The following EDIL3 variants were observed in gnomAD, a reference collection of about 807,000 sequenced individuals.
EDIL3 encodes EGF-like repeat and discoidin I-like domain-containing protein 3.
A neutral mutation model predicts 67.4 loss-of-function variants in EDIL3; 37 were observed. The observed-to-expected ratio is 0.55, with a 90% CI of 0.42 to 0.72. EDIL3 has a LOEUF of 0.72. Ranked by LOEUF, EDIL3 falls within the 30% of genes least tolerant of loss-of-function variation. The pLI is 0.00. For synonymous variants in EDIL3, 195 were observed against 196.3 expected, an observed-to-expected ratio of 0.99 and a Z score of 0.05; for missense variants, 527 against 586.3, an observed-to-expected ratio of 0.90 and a Z score of 1.04.
chr5:84,333,062 A>G (rs1238378693), intron 1 of EDIL3, among the ~76,000 whole-genome samples: 1 of 152,200 alleles, frequency 6.6e-6, no homozygotes, highest in Non-Finnish European at 1.5e-5. Flanking sequence ...TAGATAAAAT[A>G]AGAGAAAACT....
intron 6 of EDIL3, among the ~76,000 whole-genome samples, chr5:84,086,885 C>T (rs769691548): frequency 4.6e-5 from 7 of 152,060 alleles, no homozygotes; most frequent in South Asian, 2.1e-4. Context: ...CCTGATCCCA[C>T]GGTCCAAGAT....
chr5:84,188,986 T>G (rs966078180), intron 3 of EDIL3, among the ~76,000 whole-genome samples: 1 of 151,972 alleles, frequency 6.6e-6, no homozygotes, highest in Non-Finnish European at 1.5e-5. Context: ...GAATTGGGGG[T>G]AGGGAGCACT....
At chr5:84,231,908 C>T (rs536744066) in intron 2 of EDIL3, among the ~76,000 whole-genome samples, 1 of 152,226 alleles carries the variant, frequency 6.6e-6, no homozygotes, top group African/African-American at 2.4e-5. Flanking sequence ...ACACTTATGG[C>T]TGGTCACTTT....
At chr5:84,254,052 TAAC>T (rs1745080928) in intron 2 of EDIL3, 29 bp downstream of exon 2, 1 of 1,548,920 alleles carries the variant, frequency 6.5e-7, no homozygotes, top group Non-Finnish European at 8.7e-7. Flanking sequence ...AATAAAAAGA[TAAC>T]TACTGAAATA....
intron 3 of EDIL3, among the ~76,000 whole-genome samples, chr5:84,217,765 T>A (rs2053676): frequency 1.9e-5 from 2 of 104,182 alleles, no homozygotes; most frequent in Non-Finnish European, 2.0e-5. Flanking sequence ...CACACACACA[T>A]CCTTCTGGTT....
At chr5:84,213,047 T>TA (rs1416381999) in intron 3 of EDIL3, among the ~76,000 whole-genome samples, 2 of 149,358 alleles carry the variant, frequency 1.3e-5, no homozygotes, top group Non-Finnish European at 3.0e-5. Flanking sequence ...AACTTAAAAA[T>TA]ATGCTAATCT....
rs140933166 is a variant in EDIL3 at position 84,203,513 on chromosome 5, C to T, written c.227-22992G>A. On this transcript the variant is annotated intron_variant, in intron 3 of 10. Coordinates refer to ENST00000296591, the MANE Select transcript of EDIL3 (RefSeq NM_005711.5). ...CTGATGTTGGTGTGCCAGCAACACA[C>T]GTTCCTGATGGGTCATAATGTTTAA... 5.2e-3 allele frequency among the ~76,000 whole-genome samples: 796 copies of T among 152,220 alleles called. 7 individuals are homozygous for T. Among genetic ancestry groups the T allele is most frequent in the Middle Eastern group, 0.024 (7 of 294 alleles).
At chr5:84,110,838 A>G (rs1438391073) in intron 5 of EDIL3, among the ~76,000 whole-genome samples, 3 of 152,194 alleles carry the variant, frequency 2.0e-5, no homozygotes, top group Admixed American at 6.5e-5. Flanking sequence ...AACATACAAG[A>G]TATCACTAGT....
chr5:83,994,435 T>C lies in EDIL3; in HGVS notation c.1138-31075A>G, dbSNP rs914712184. ...CAATTTAGGCTACTATGTAAAGGTT[T>C]TTATTTAGCAAAAAAAAAAATTGCT... On this transcript the variant is annotated intron_variant, in intron 9 of 10. Coordinates refer to ENST00000296591, the MANE Select transcript of EDIL3 (RefSeq NM_005711.5). 4.0e-4 allele frequency among the ~76,000 whole-genome samples: 53 copies of C among 134,164 alleles called. 2 individuals are homozygous for C. 88.0% of individuals were successfully genotyped at this position (134,164 alleles called of 152,430 possible). A position where few individuals can be genotyped will look rare whatever the true frequency, so the allele number is the denominator to read the frequency against.
At chr5:84,372,336 T>A (rs1747871292) in intron 1 of EDIL3, among the ~76,000 whole-genome samples, 1 of 152,142 alleles carries the variant, frequency 6.6e-6, no homozygotes, top group South Asian at 2.1e-4. Flanking sequence ...AAACAAGAAC[T>A]TTGTGTACAA....
At chr5:84,239,970 C>G (rs1156283858) in intron 2 of EDIL3, among the ~76,000 whole-genome samples, 1 of 152,114 alleles carries the variant, frequency 6.6e-6, no homozygotes, top group Non-Finnish European at 1.5e-5. Flanking sequence ...TCCATGTCAA[C>G]TGACATTTCT....
At chr5:84,189,629 T>C (rs1743537938) in intron 3 of EDIL3, among the ~76,000 whole-genome samples, 1 of 152,020 alleles carries the variant, frequency 6.6e-6, no homozygotes, top group Non-Finnish European at 1.5e-5. Context: ...CGTACATTCA[T>C]CTTGCACACT....
intron 1 of EDIL3, among the ~76,000 whole-genome samples, chr5:84,312,108 G>C (rs1016998160): frequency 1.3e-5 from 2 of 152,084 alleles, no homozygotes; most frequent in Admixed American, 1.3e-4. Flanking sequence ...GCTGGGCAGC[G>C]GGGCTCCTCA....
chr5:84,310,849 A>G (rs200764210), intron 1 of EDIL3, among the ~76,000 whole-genome samples: 2 of 151,984 alleles, frequency 1.3e-5, no homozygotes, highest in East Asian at 3.9e-4. Context: ...CATTTCTCAC[A>G]CTCCACAAAG....
chr5:84,348,646 T>C (rs1747284843), intron 1 of EDIL3, among the ~76,000 whole-genome samples: 1 of 151,182 alleles, frequency 6.6e-6, no homozygotes, highest in African/African-American at 2.4e-5. Flanking sequence ...TTCAGATGCA[T>C]GTCTGTTTGG....
chr5:84,193,230 T>C (rs988651376), intron 3 of EDIL3, among the ~76,000 whole-genome samples: 1 of 151,930 alleles, frequency 6.6e-6, no homozygotes, highest in African/African-American at 2.4e-5. Flanking sequence ...AATAGAGCAG[T>C]TAAGAATCAT....
chr5:84,288,011 A>G (rs1254250322), intron 1 of EDIL3, among the ~76,000 whole-genome samples: 1 of 152,128 alleles, frequency 6.6e-6, no homozygotes, highest in Non-Finnish European at 1.5e-5. Context: ...TATCCCCTAA[A>G]AACCCCAGAT....
chr5:83,941,177 C>T lies in EDIL3; in HGVS notation c.*2242G>A, dbSNP rs1744217243. The T allele has an allele frequency of 6.6e-6, 1 of 151,938 alleles. No homozygotes were observed. Among genetic ancestry groups the T allele is most frequent in the Non-Finnish European group, 1.5e-5 (1 of 67,890 alleles). 9.4% of individuals were successfully genotyped at this position (151,938 alleles called of 1,614,324 possible). A position where few individuals can be genotyped will look rare whatever the true frequency, so the allele number is the denominator to read the frequency against. On this transcript the variant is annotated 3_prime_UTR_variant, in exon 11 of 11. Coordinates refer to ENST00000296591, the MANE Select transcript of EDIL3 (RefSeq NM_005711.5). ...TTTTCAACATTTCCATATGGTGCGACCCCTTTGCTCTCATCAATTTTGGGT... is the reference window on the plus strand; with the variant it reads ...TTTTCAACATTTCCATATGGTGCGATCCCTTTGCTCTCATCAATTTTGGGT...
rs769566499 is a variant in EDIL3, at chr5:84,305,883, G to GTAAATAAA, written c.68-51679_68-51672dup. Among the ~76,000 whole-genome samples the GTAAATAAA allele has an allele frequency of 7.3e-3, 1,014 of 138,744 alleles. 8 individuals carry two copies. The highest frequency in any genetic ancestry group is 0.02 in the African/African-American group (761 of 38,804). 91.0% of individuals were successfully genotyped at this position (138,744 alleles called of 152,430 possible). Reference sequence around the variant, plus strand: ...GACAGAGCAAGACTTGGTCTTAAAAGTAAATAAATAAATAAATAAATAAAT... The same window carrying GTAAATAAA: ...GACAGAGCAAGACTTGGTCTTAAAAGTAAATAAATAAATAAATAAATAAATAAATAAAT... On this transcript the variant is annotated intron_variant, in intron 1 of 10. Coordinates refer to ENST00000296591, the MANE Select transcript of EDIL3 (RefSeq NM_005711.5).
Sources: gnomAD v4.1 joint callset for allele counts (sites outside exome capture counted in the v4.1 genomes callset) on GRCh38, gnomAD v4.1.1 for gene constraint, MANE v1.5 for transcripts, NCBI Gene and HGNC (gene_info 2026-07-23, HGNC 2026-07-21) for gene names.